Variants in MCC observed in about 807,000 individuals in gnomAD.
MCC encodes the protein colorectal mutant cancer protein.
A neutral mutation model predicts 116.2 loss-of-function variants in MCC; 90 were observed. That is an observed-to-expected ratio of 0.77 (90% CI 0.65 to 0.92). MCC has a LOEUF of 0.92. Among genes scored for constraint, MCC ranks in the 40% least tolerant of loss-of-function variants. The probability of loss-of-function intolerance (pLI) is 0.00; values close to 1 mark genes in which losing one functional copy is unlikely to be tolerated. For synonymous variants in MCC, 578 were observed against 510.5 expected (o/e 1.13, Z -1.78); for missense variants, 1,516 against 1,312.2 (o/e 1.16, Z -2.40).
At chr5:113,393,341 A>G (rs1476319850) in intron 1 of MCC, among the ~76,000 whole-genome samples, 1 of 152,220 alleles carries the variant, frequency 6.6e-6, no homozygotes, top group Non-Finnish European at 1.5e-5. Context: ...CCGATTCAAA[A>G]TAAGTTTGGT....
At chr5:113,066,376 T>C (rs1753605528) in intron 13 of MCC, among the ~76,000 whole-genome samples, 1 of 152,200 alleles carries the variant, frequency 6.6e-6, no homozygotes, top group African/African-American at 2.4e-5. Context: ...TTAGGATCTG[T>C]TTCATATGAG....
rs1486722425 is a variant in MCC at position 113,370,780 on chromosome 5, C to A, written c.415+14188G>T. Among the ~76,000 whole-genome samples the A allele has an allele frequency of 2.0e-5, 3 of 152,288 alleles. 1 individual carries two copies. In the South Asian group the frequency reaches 6.2e-4, roughly 32 times the overall value. On this transcript the variant is annotated intron_variant, in intron 2 of 18. Transcript: ENST00000408903. ...TATATGCATACACAGACACCCCCTC[C>A]CCTTCAACACACAGTCTGCAGATTC...
intron 3 of MCC, among the ~76,000 whole-genome samples, chr5:113,184,177 G>A (rs1761770247): frequency 6.6e-6 from 1 of 152,056 alleles, no homozygotes; most frequent in African/African-American, 2.4e-5. Context: ...TTGTTGAGAC[G>A]GATTTGGATA....
At chr5:113,333,634 A>T (rs909516001) in intron 3 of MCC, among the ~76,000 whole-genome samples, 2 of 150,556 alleles carry the variant, frequency 1.3e-5, no homozygotes, top group South Asian at 4.1e-4. Context: ...AGACATTACC[A>T]TCTTCATCTG....
chr5:113,223,109 C>T (rs1763611569), intron 3 of MCC, among the ~76,000 whole-genome samples: 1 of 152,108 alleles, frequency 6.6e-6, no homozygotes, highest in African/African-American at 2.4e-5. Flanking sequence ...AAATGGGACG[C>T]AAACGAAGCT....
rs1770805923 is a variant in MCC, at chr5:113,434,984, T to C, written c.171-49772A>G. The C allele has an allele frequency of 4.1e-6, 4 of 975,092 alleles. No individual in the cohort carries two copies. The highest frequency in any genetic ancestry group is 6.0e-6 in the Non-Finnish European group (4 of 668,554). The allele number at this position is 975,092 out of a possible 1,614,324, so 60.4% of individuals were successfully genotyped here. A position where few individuals can be genotyped will look rare whatever the true frequency, so the allele number is the denominator to read the frequency against. Reference sequence around the variant, plus strand: ...TCCTGCCTCCTAGAGGCCAAGACTCTGGAGTGGAACATTTGGCACTGTCTC... The same window carrying C: ...TCCTGCCTCCTAGAGGCCAAGACTCCGGAGTGGAACATTTGGCACTGTCTC... On this transcript the variant is annotated intron_variant, in intron 1 of 18. Transcript: ENST00000408903. The surrounding 1 kb of genome is among the most constrained non-coding windows in gnomAD (Gnocchi z 4.2).
chr5:113,194,851 G>A (rs1289373250), intron 3 of MCC, among the ~76,000 whole-genome samples: 8 of 152,162 alleles, frequency 5.3e-5, no homozygotes, highest in Non-Finnish European at 1.0e-4. Flanking sequence ...TCTAGATGTA[G>A]TGTACAAAGC....
intron 3 of MCC, among the ~76,000 whole-genome samples, chr5:113,154,814 C>T (rs1029693489): frequency 6.6e-6 from 1 of 152,124 alleles, no homozygotes; most frequent in Non-Finnish European, 1.5e-5. Context: ...TATTTTGATG[C>T]ATGCATACAA....
At chr5:113,185,344 A>C (rs1463607222) in intron 3 of MCC, among the ~76,000 whole-genome samples, 1 of 151,848 alleles carries the variant, frequency 6.6e-6, no homozygotes, top group East Asian at 1.9e-4. Context: ...GAAAACTGCA[A>C]ACACACACAC....
At chr5:113,060,706 C>T (rs926476365) in intron 14 of MCC, among the ~76,000 whole-genome samples, 3 of 152,210 alleles carry the variant, frequency 2.0e-5, no homozygotes, top group Non-Finnish European at 4.4e-5. Flanking sequence ...CATTCCATGT[C>T]TATACCTTGT....
intron 3 of MCC, among the ~76,000 whole-genome samples, chr5:113,182,931 G>T (rs1761706648): frequency 6.6e-6 from 1 of 152,238 alleles, no homozygotes; most frequent in Non-Finnish European, 1.5e-5. Flanking sequence ...GACAGCACAG[G>T]AGAGTTCAGT....
intron 3 of MCC, among the ~76,000 whole-genome samples, chr5:113,306,671 TC>T (rs1766993251): frequency 6.6e-6 from 1 of 152,190 alleles, no homozygotes; most frequent in African/African-American, 2.4e-5. Flanking sequence ...TTGTGAGCTG[TC>T]TTTTCCCTTT....
intron 1 of MCC, among the ~76,000 whole-genome samples, chr5:113,462,025 C>T (rs1198290848): frequency 1.3e-5 from 2 of 152,294 alleles, no homozygotes; most frequent in Middle Eastern, 3.4e-3. Flanking sequence ...AGGGTTTAAC[C>T]TGCATGCCTG....
At chr5:113,091,047 C>T (rs918377322) in intron 8 of MCC, among the ~76,000 whole-genome samples, 4 of 152,188 alleles carry the variant, frequency 2.6e-5, no homozygotes, top group Non-Finnish European at 2.9e-5. Flanking sequence ...GAGCTGATCC[C>T]TCTGCCTCAC....
At chr5:113,481,595 T>TC (rs2150436051) in intron 1 of MCC, among the ~76,000 whole-genome samples, 1 of 151,860 alleles carries the variant, frequency 6.6e-6, no homozygotes, top group East Asian at 1.9e-4. Context: ...AAAAATTAGC[T>TC]GGGCGTGGTG....
intron 3 of MCC, among the ~76,000 whole-genome samples, chr5:113,189,602 T>C (rs923434996): frequency 5.3e-5 from 8 of 152,162 alleles, no homozygotes; most frequent in African/African-American, 1.9e-4. Context: ...ATCTTACCCC[T>C]TTATAGTCAC....
At chr5:113,476,739 C>T (rs1384858074) in intron 1 of MCC, among the ~76,000 whole-genome samples, 4 of 152,038 alleles carry the variant, frequency 2.6e-5, no homozygotes, top group African/African-American at 4.8e-5. Context: ...TGCCTAGGGC[C>T]GGAGTGGTTA....
chr5:113,043,475 A>T, intron 17 of MCC, 55 bp downstream of exon 17: 1 of 1,474,628 alleles, frequency 6.8e-7, no homozygotes, highest in Non-Finnish European at 9.4e-7. Context: ...AGAACTCAGA[A>T]CAAAGTCTCC....
chr5:113,394,861 C>A (rs955872133), intron 1 of MCC, among the ~76,000 whole-genome samples: 1 of 152,234 alleles, frequency 6.6e-6, no homozygotes, highest in Non-Finnish European at 1.5e-5. Context: ...AAATCTAGAT[C>A]ATTTCCTGTT....
Sources: allele counts gnomAD v4.1 joint callset (sites outside exome capture counted in the v4.1 genomes callset), GRCh38; gene constraint gnomAD v4.1.1; non-coding constraint Gnocchi (gnomAD v3.1); transcripts MANE v1.5; gene names NCBI Gene and HGNC (gene_info 2026-07-23, HGNC 2026-07-21).